The following KIFC3 variants were observed in gnomAD, a reference collection of about 807,000 sequenced individuals.
KIFC3 encodes kinesin family member C3.
Under a neutral mutation model 101.8 loss-of-function variants are expected in KIFC3, and 60 were observed. That is an observed-to-expected ratio of 0.59 (90% CI 0.48 to 0.73). KIFC3 has a LOEUF of 0.73. Among genes scored for constraint, KIFC3 ranks in the 30% least tolerant of loss-of-function variants. The pLI, the probability that KIFC3 is intolerant of heterozygous loss-of-function variation, is 0.00. For missense variants in KIFC3, 966 were observed against 1,137.1 expected (o/e 0.85, Z 2.16); for synonymous variants, 476 against 482.7 (o/e 0.99, Z 0.18).
chr16:57,760,165 C>T (rs782434352), intron 17 of KIFC3, 117 bp downstream of exon 17: 61 of 1,253,100 alleles, frequency 4.9e-5, no homozygotes, highest in Non-Finnish European at 6.2e-5. Flanking sequence ...CACCCAACTC[C>T]GGCAGCTTCC....
intron 1 of KIFC3, among the ~76,000 whole-genome samples, chr16:57,818,022 T>C (rs8049233): frequency 0.45 from 67,659 of 151,466 alleles, 15,918 homozygotes; most frequent in African/African-American, 0.58. Flanking sequence ...TTCTTTTTTT[T>C]TTTTTTTGTT....
In KIFC3 at chr16:57,798,095, G is replaced by C; in HGVS notation, c.149C>G (p.Thr50Ser). 1 of 1,592,620 alleles carries C rather than the reference G, an allele frequency of 6.3e-7. No homozygotes were observed. Among genetic ancestry groups the C allele is most frequent in the Non-Finnish European group, 8.5e-7 (1 of 1,170,000 alleles). Residue 50 changes from threonine (T) to serine (S), a missense_variant, in exon 2 of 20, where the codon ACC (threonine) becomes AGC (serine). Thr to Ser is a moderately conservative substitution (Grantham distance 58). Transcript: ENST00000445690. ...ASPAARPFPHTGPGRLRTGRG... is the reference protein window; with the variant it reads ...ASPAARPFPHSGPGRLRTGRG... ...ACCAGTTCTCAACCTCCCCGGGCCGGTGTGTGGGAAAGGGCGGGCGGCCGG... is the reference window on the plus strand; with the variant it reads ...ACCAGTTCTCAACCTCCCCGGGCCGCTGTGTGGGAAAGGGCGGGCGGCCGG...
chr16:57,832,066 C>A (rs1555479435), intron 1 of KIFC3, among the ~76,000 whole-genome samples: 1 of 152,052 alleles, frequency 6.6e-6, no homozygotes, highest in Non-Finnish European at 1.5e-5. Flanking sequence ...TGTCACCCAG[C>A]CTGGAGTACA....
intron 1 of KIFC3, among the ~76,000 whole-genome samples, chr16:57,822,675 C>T (rs1377611140): frequency 2.0e-5 from 3 of 151,726 alleles, no homozygotes; most frequent in South Asian, 2.1e-4. Flanking sequence ...CCAGCCTGGG[C>T]GACAGAGCAA....
intron 1 of KIFC3, among the ~76,000 whole-genome samples, chr16:57,852,392 T>G (rs1256810899): frequency 6.6e-6 from 1 of 152,164 alleles, no homozygotes; most frequent in Non-Finnish European, 1.5e-5. Flanking sequence ...GCTGTAACCC[T>G]GGCTGCCAAT....
chr16:57,824,544 G>A (rs546783383), intron 1 of KIFC3, among the ~76,000 whole-genome samples: 4 of 152,116 alleles, frequency 2.6e-5, no homozygotes, highest in African/African-American at 7.2e-5. Context: ...TTAGCCAGGC[G>A]TGGTGGTGCA....
intron 3 of KIFC3, among the ~76,000 whole-genome samples, chr16:57,782,845 C>T (rs960843568): frequency 1.3e-5 from 2 of 152,194 alleles, no homozygotes; most frequent in Non-Finnish European, 2.9e-5. Flanking sequence ...CCTCAGGAGG[C>T]TGAAGTAGGA....
intron 1 of KIFC3, among the ~76,000 whole-genome samples, chr16:57,860,692 A>G (rs978785572): frequency 1.3e-5 from 2 of 151,898 alleles, no homozygotes; most frequent in Non-Finnish European, 2.9e-5. Context: ...AAGAGGAGGA[A>G]TGCCCCTACT....
At chr16:57,836,717 G>A (rs576719505) in intron 1 of KIFC3, among the ~76,000 whole-genome samples, 2 of 151,956 alleles carry the variant, frequency 1.3e-5, no homozygotes, top group South Asian at 4.2e-4. Context: ...TTTGAGACAG[G>A]GTCTTGCTCT....
In KIFC3 at chr16:57,769,466, G is replaced by T; in HGVS notation, c.1218+129C>A. 8.6e-7 allele frequency: 1 copy of T among 1,162,548 alleles called. No homozygotes were observed. Among genetic ancestry groups the T allele is most frequent in the South Asian group, 1.5e-5 (1 of 65,542 alleles). The allele number at this position is 1,162,548 out of a possible 1,614,324, so 72.0% of individuals were successfully genotyped here. On this transcript the variant is annotated intron_variant, in intron 9 of 19. Transcript: ENST00000445690. The surrounding 1 kb of genome is among the most constrained non-coding windows in gnomAD (Gnocchi z 4.3). ...CTATAAGGGCAGCAGTAAGTGTCAT[G>T]GGGGGTGGGGCAGGGGCTGCTGTCT...
intron 3 of KIFC3, chr16:57,785,460 G>GT (rs1358403633): frequency 7.8e-7 from 1 of 1,283,728 alleles, no homozygotes; most frequent in Non-Finnish European, 1.0e-6. Context: ...GCCTCCCCAG[G>GT]TACCTGGTTC....
At chr16:57,776,906 G>C (rs1555612103) in intron 3 of KIFC3, 1 of 152,208 alleles carries the variant, frequency 6.6e-6, no homozygotes, top group Admixed American at 6.5e-5. Context: ...ATGACAAAAA[G>C]GAAGTCTAGA....
At chr16:57,764,282 G>A in intron 11 of KIFC3, 35 bp from the exon 12 acceptor site, 2 of 1,174,742 alleles carry the variant, frequency 1.7e-6, no homozygotes, top group East Asian at 2.6e-5. Context: ...TGGTGGGGGG[G>A]CTTCCAGGGC....
chr16:57,804,622 A>T (rs1222282981), upstream of KIFC3, among the ~76,000 whole-genome samples: 1 of 152,210 alleles, frequency 6.6e-6, no homozygotes, highest in Non-Finnish European at 1.5e-5. Context: ...CAAGATCTTG[A>T]TCTGTTGCCC....
At chr16:57,785,604 T>A in intron 3 of KIFC3, 1 of 1,281,516 alleles carries the variant, frequency 7.8e-7, no homozygotes, top group Non-Finnish European at 1.0e-6. Context: ...CTAAGCACCA[T>A]GGGGGCCGCA....
intron 1 of KIFC3, among the ~76,000 whole-genome samples, chr16:57,811,286 T>C (rs1472098668): frequency 6.6e-6 from 1 of 152,250 alleles, no homozygotes; most frequent in Non-Finnish European, 1.5e-5. Flanking sequence ...ATGGTGACAG[T>C]GTACAACTCT....
chr16:57,781,189 C>T (rs1193985051), intron 3 of KIFC3, among the ~76,000 whole-genome samples: 1 of 152,154 alleles, frequency 6.6e-6, no homozygotes, highest in Non-Finnish European at 1.5e-5. Context: ...GTGGTGGACA[C>T]CTGTGGTCCT....
intron 1 of KIFC3, among the ~76,000 whole-genome samples, chr16:57,836,274 G>A (rs1419161710): frequency 3.9e-5 from 6 of 152,020 alleles, no homozygotes; most frequent in African/African-American, 1.5e-4. Flanking sequence ...CACTACACCC[G>A]GCTAATTTTT....
chr16:57,850,943 CTCCCTCCTTCCTTCCTTCCTTCCTTCCT>C (rs1325271528), intron 1 of KIFC3, among the ~76,000 whole-genome samples: 2,755 of 49,996 alleles, frequency 0.055, 134 homozygotes, highest in African/African-American at 0.14. Flanking sequence ...CTTTCCTTCC[CTCCCTCCTTCCTTCCTTCCTTCCTTCCT>C]TCCTTCCTTC....
Sources: gnomAD v4.1 joint callset for allele counts (sites outside exome capture counted in the v4.1 genomes callset) on GRCh38, gnomAD v4.1.1 for gene constraint, Gnocchi (gnomAD v3.1) non-coding constraint, MANE v1.5 for transcripts, NCBI Gene and HGNC (gene_info 2026-07-23, HGNC 2026-07-21) for gene names.